The following PCDH15 variants were observed in gnomAD, a reference collection of about 807,000 sequenced individuals.
PCDH15 encodes protocadherin-15.
Under a neutral mutation model 178.5 loss-of-function variants are expected in PCDH15, and 129 were observed. The observed-to-expected ratio is 0.72, with a 90% CI of 0.63 to 0.84. PCDH15 has a LOEUF of 0.84. Among genes scored for constraint, PCDH15 ranks in the 40% least tolerant of loss-of-function variants. The pLI is 0.00. For synonymous variants in PCDH15, 800 were observed against 732.0 expected, an observed-to-expected ratio of 1.09 and a Z score of -1.50; for missense variants, 2,230 against 2,099.9, an observed-to-expected ratio of 1.06 and a Z score of -1.21.
chr10:55,484,144 T>C (rs1840246767), intron 2 of PCDH15, among the ~76,000 whole-genome samples: 1 of 150,748 alleles, frequency 6.6e-6, no homozygotes, highest in Non-Finnish European at 1.5e-5. Context: ...TTCTGAAGAG[T>C]GGAGGGTAGG....
At chr10:55,054,470 T>G (rs1225310809) in intron 2 of PCDH15, among the ~76,000 whole-genome samples, 1 of 152,228 alleles carries the variant, frequency 6.6e-6, no homozygotes, top group Non-Finnish European at 1.5e-5. Context: ...CTATTGTGAA[T>G]AGTGCTGCAA....
intron 1 of PCDH15, among the ~76,000 whole-genome samples, chr10:54,727,987 C>G (rs565482116): frequency 2.0e-5 from 3 of 151,600 alleles, no homozygotes; most frequent in East Asian, 1.9e-4. Flanking sequence ...ATATTTACAG[C>G]TGAATTCTAC....
chr10:54,940,815 A>G (rs1289640350), intron 2 of PCDH15, among the ~76,000 whole-genome samples: 2 of 151,690 alleles, frequency 1.3e-5, no homozygotes, highest in African/African-American at 2.4e-5. Context: ...AAAACTTTTT[A>G]TAGTCTATAG....
At chr10:54,549,830 T>A (rs1392277036) in intron 2 of PCDH15, among the ~76,000 whole-genome samples, 2 of 152,106 alleles carry the variant, frequency 1.3e-5, no homozygotes, top group Non-Finnish European at 2.9e-5. Context: ...TGCGATTTTT[T>A]AATTTATATT....
At chr10:54,122,492 G>C (rs2041620025) in intron 15 of PCDH15, among the ~76,000 whole-genome samples, 1 of 151,520 alleles carries the variant, frequency 6.6e-6, no homozygotes, top group Non-Finnish European at 1.5e-5. Context: ...TCCTATTCAG[G>C]ACAACACTGG....
intron 2 of PCDH15, among the ~76,000 whole-genome samples, chr10:55,077,001 T>C (rs1192899630): frequency 6.7e-6 from 1 of 150,146 alleles, no homozygotes; most frequent in African/African-American, 2.5e-5. Flanking sequence ...ATTCCTAACC[T>C]CGTGATCCGC....
chr10:54,596,516 A>T (rs535628165), intron 2 of PCDH15, among the ~76,000 whole-genome samples: 2 of 152,312 alleles, frequency 1.3e-5, no homozygotes, highest in Non-Finnish European at 2.9e-5. Flanking sequence ...ACTTAAGGAC[A>T]CAGACCAGTA....
chr10:55,427,188 G>T (rs138660823), intron 2 of PCDH15, among the ~76,000 whole-genome samples: 1 of 152,086 alleles, frequency 6.6e-6, no homozygotes, highest in South Asian at 2.1e-4. Context: ...GTTATAATCC[G>T]TAGATGTGTA....
At chr10:54,929,835 T>C (rs553590172) in intron 2 of PCDH15, among the ~76,000 whole-genome samples, 1 of 152,324 alleles carries the variant, frequency 6.6e-6, no homozygotes, top group African/African-American at 2.4e-5. Context: ...CTTTCTAACA[T>C]GTGGCTTGCT....
intron 2 of PCDH15, among the ~76,000 whole-genome samples, chr10:54,573,145 T>G (rs2090039799): frequency 6.6e-6 from 1 of 152,144 alleles, no homozygotes; most frequent in Non-Finnish European, 1.5e-5. Context: ...TTCTATCAAT[T>G]TCAGGAGTGG....
At chr10:54,114,069 C>G (rs1350024456) in intron 15 of PCDH15, among the ~76,000 whole-genome samples, 1 of 152,202 alleles carries the variant, frequency 6.6e-6, no homozygotes, top group East Asian at 1.9e-4. Context: ...CCTCCCACAA[C>G]ACGTGGGGAT....
chr10:54,966,011 A>G (rs1015145943), intron 2 of PCDH15, among the ~76,000 whole-genome samples: 2 of 151,322 alleles, frequency 1.3e-5, no homozygotes, highest in African/African-American at 4.8e-5. Flanking sequence ...TATTGTACAC[A>G]CATAAATATA....
chr10:55,047,083 G>T (rs1026809421), intron 2 of PCDH15, among the ~76,000 whole-genome samples: 1 of 151,742 alleles, frequency 6.6e-6, no homozygotes, highest in Non-Finnish European at 1.5e-5. Flanking sequence ...AATTGAAATT[G>T]TTTAGAAAAT....
chr10:55,113,872 T>G (rs1251009175), intron 2 of PCDH15, among the ~76,000 whole-genome samples: 2 of 152,206 alleles, frequency 1.3e-5, no homozygotes, highest in Admixed American at 6.5e-5. Context: ...TCCCACATAC[T>G]GTCATGCCAA....
At chr10:54,442,432 A>T (rs1203826961) in intron 3 of PCDH15, among the ~76,000 whole-genome samples, 1 of 113,014 alleles carries the variant, frequency 8.8e-6, no homozygotes, top group African/African-American at 4.1e-5. Context: ...ATATATATAT[A>T]TATATATATA....
intron 2 of PCDH15, among the ~76,000 whole-genome samples, chr10:55,517,137 A>G (rs528018663): frequency 2.0e-5 from 3 of 152,076 alleles, no homozygotes; most frequent in Admixed American, 6.6e-5. Flanking sequence ...GTAATTTAAC[A>G]TGATTTTAGA....
At chr10:55,578,412 G>T (rs1441357392) in intron 2 of PCDH15, among the ~76,000 whole-genome samples, 1 of 151,878 alleles carries the variant, frequency 6.6e-6, no homozygotes, top group Admixed American at 6.6e-5. Context: ...GTAGAGATGG[G>T]GTTTCACCAT....
chr10:54,455,303 T>C (rs1435281970), intron 3 of PCDH15, among the ~76,000 whole-genome samples: 1 of 152,134 alleles, frequency 6.6e-6, no homozygotes, highest in Non-Finnish European at 1.5e-5. Flanking sequence ...CAAACAACAT[T>C]GGAACTGGGT....
At chr10:53,993,562 T>G (rs1041615759) in intron 21 of PCDH15, among the ~76,000 whole-genome samples, 13 of 152,150 alleles carry the variant, frequency 8.5e-5, no homozygotes, top group Admixed American at 8.5e-4. Context: ...TTTATAACAG[T>G]AACAGAGTAG....
Sources: allele counts gnomAD v4.1 joint callset (sites outside exome capture counted in the v4.1 genomes callset), GRCh38; gene constraint gnomAD v4.1.1; transcripts MANE v1.5; gene names NCBI Gene and HGNC (gene_info 2026-07-23, HGNC 2026-07-21).